Variants in GGNBP2 observed in about 807,000 individuals in gnomAD.
The protein encoded by GGNBP2 is gametogenetin-binding protein 2.
Under a neutral mutation model 85.9 loss-of-function variants are expected in GGNBP2, and 10 were observed. The observed-to-expected ratio is 0.12, with a 90% CI of 0.07 to 0.20. The LOEUF is 0.20. Among genes scored for constraint, GGNBP2 ranks in the 10% least tolerant of loss-of-function variants. The probability of loss-of-function intolerance (pLI) is 1.00; values close to 1 mark genes in which losing one functional copy is unlikely to be tolerated. For missense variants in GGNBP2, 595 were observed against 857.8 expected (o/e 0.69, Z 3.83); for synonymous variants, 287 against 285.7 (o/e 1.00, Z -0.05).
chr17:36,587,217 A>T lies in GGNBP2; in HGVS notation c.1862A>T (p.Lys621Ile). Reference sequence around the variant, plus strand: ...ACGTTGTTTGGTCCCGATTCCGGAAAAGGTGCCAAGAGCTTAGTTGAACTC... The same window carrying T: ...ACGTTGTTTGGTCCCGATTCCGGAATAGGTGCCAAGAGCTTAGTTGAACTC... Reference protein sequence around the residue: ...TETLFGPDSGKGAKSLVELLD... With the variant: ...TETLFGPDSGIGAKSLVELLD... Residue 621 changes from lysine to isoleucine, a missense_variant, in exon 13 of 14, where the codon AAA (lysine) becomes ATA (isoleucine). Physicochemically the swap from Lys to Ile is moderately radical, Grantham distance 102 (BLOSUM62 -3). Around this residue, in one of 9 missense-constraint regions of GGNBP2, gnomAD observed 120 missense variants for 126.3 expected, o/e 0.95. Transcript: ENST00000613102. 6.2e-7 allele frequency: 1 copy of T among 1,614,164 alleles called. No homozygotes were observed. Among genetic ancestry groups the T allele is most frequent in the Non-Finnish European group, 8.5e-7 (1 of 1,180,018 alleles).
chr17:36,586,214 T>C lies in GGNBP2; in HGVS notation c.1641+16T>C. The C allele has an allele frequency of 1.9e-6, 3 of 1,607,050 alleles. No individual in the cohort carries two copies. The South Asian group carries it at 3.3e-5, about 18-fold the overall frequency. On this transcript the variant is annotated intron_variant, in intron 12 of 13. Coordinates refer to ENST00000613102, the MANE Select transcript of GGNBP2 (RefSeq NM_024835.5). ...TGATGAACATGTAAGTGTCATAACTTGTAATTCTTAAACCTTTGCTGTTGA... is the reference window on the plus strand; with the variant it reads ...TGATGAACATGTAAGTGTCATAACTCGTAATTCTTAAACCTTTGCTGTTGA...
chr17:36,568,102 T>A (rs1162312614), intron 6 of GGNBP2, among the ~76,000 whole-genome samples: 1 of 152,082 alleles, frequency 6.6e-6, no homozygotes, highest in African/African-American at 2.4e-5. Flanking sequence ...ATTTTTGTAT[T>A]TCTAGTAGAG....
chr17:36,584,192 A>G (rs1016337820), intron 9 of GGNBP2, among the ~76,000 whole-genome samples: 11 of 152,214 alleles, frequency 7.2e-5, no homozygotes, highest in African/African-American at 2.7e-4. Flanking sequence ...TAAATATCCA[A>G]GTCTCTCAGT....
intron 5 of GGNBP2, among the ~76,000 whole-genome samples, chr17:36,562,784 G>A (rs1219087109): frequency 6.6e-6 from 1 of 150,462 alleles, no homozygotes; most frequent in Non-Finnish European, 1.5e-5. Context: ...GACCAACATG[G>A]GGAAACCTCA....
intron 6 of GGNBP2, among the ~76,000 whole-genome samples, chr17:36,570,566 G>A (rs920957626): frequency 2.6e-5 from 4 of 152,130 alleles, no homozygotes; most frequent in Admixed American, 2.6e-4. Context: ...TGGGCGTGGT[G>A]GTGGGTGCCT....
intron 2 of GGNBP2, among the ~76,000 whole-genome samples, chr17:36,552,687 ATCTGTAT>A: frequency 6.6e-6 from 1 of 152,198 alleles, no homozygotes; most frequent in South Asian, 2.1e-4. Context: ...TGGACATTTC[ATCTGTAT>A]GCATGGAAGA....
intron 6 of GGNBP2, among the ~76,000 whole-genome samples, chr17:36,573,364 C>T (rs566868617): frequency 5.9e-5 from 9 of 152,186 alleles, no homozygotes; most frequent in Admixed American, 1.3e-4. Flanking sequence ...CCATTCGCCT[C>T]GGTCTCCCAA....
chr17:36,569,678 T>G (rs1555606444), intron 6 of GGNBP2, among the ~76,000 whole-genome samples: 1 of 152,228 alleles, frequency 6.6e-6, no homozygotes, highest in East Asian at 1.9e-4. Context: ...TTTCTTTGCC[T>G]TTTTGGTGGA....
intron 2 of GGNBP2, among the ~76,000 whole-genome samples, chr17:36,550,607 G>T (rs1173566277): frequency 6.6e-6 from 1 of 152,136 alleles, no homozygotes. Flanking sequence ...GTGAGAATGC[G>T]CTAAAAACAG....
Position 36,545,792 on chromosome 17 carries a change from C to T in GGNBP2, c.68C>T (p.Pro23Leu), listed in dbSNP as rs754632402. ...EEFPFERRQIPLYIDDTLTMV... is the reference protein window; with the variant it reads ...EEFPFERRQILLYIDDTLTMV... ...TTCCCCTTCGAGAGGAGGCAGATTCCCCTCTACATAGACGACACCCTGACG... is the reference window on the plus strand; with the variant it reads ...TTCCCCTTCGAGAGGAGGCAGATTCTCCTCTACATAGACGACACCCTGACG... The change falls in exon 2 of 14, where the codon CCC becomes CTC. Residue 23 changes from proline (P) to leucine (L), a missense_variant. By Grantham distance (98) the Pro-to-Leu change is moderately conservative. Coordinates refer to ENST00000613102, the MANE Select transcript of GGNBP2 (RefSeq NM_024835.5). 36 of 1,573,038 alleles carry T rather than the reference C, an allele frequency of 2.3e-5. No homozygotes were observed. Among genetic ancestry groups the T allele is most frequent in the Non-Finnish European group, 2.9e-5 (34 of 1,159,734 alleles).
chr17:36,576,615 G>GTA (rs2074590648), intron 6 of GGNBP2: 1 of 120,798 alleles, frequency 8.3e-6, no homozygotes, highest in African/African-American at 3.6e-5. Context: ...GTGTGTGTGT[G>GTA]TGTGTGTGTG....
At chr17:36,563,189 C>T (rs1021068580) in intron 5 of GGNBP2, among the ~76,000 whole-genome samples, 2 of 151,926 alleles carry the variant, frequency 1.3e-5, no homozygotes, top group Non-Finnish European at 2.9e-5. Context: ...TCGCTTGAAT[C>T]CAGGAGGCAG....
chr17:36,567,814 G>T, intron 6 of GGNBP2, 38 bp downstream of exon 6: 1 of 1,096,782 alleles, frequency 9.1e-7, no homozygotes, highest in Non-Finnish European at 1.4e-6. Flanking sequence ...TGTGGAAGGT[G>T]CCTTATGTGT....
At chr17:36,557,470 G>A in intron 4 of GGNBP2, 134 bp downstream of exon 4, 1 of 739,586 alleles carries the variant, frequency 1.4e-6, no homozygotes. Flanking sequence ...ATGTACCAGT[G>A]GATGTAAAGT....
At chr17:36,564,812 T>A (rs1309474686) in intron 5 of GGNBP2, among the ~76,000 whole-genome samples, 1 of 151,892 alleles carries the variant, frequency 6.6e-6, no homozygotes, top group Non-Finnish European at 1.5e-5. Context: ...CCAGAGAAAG[T>A]ATAATACAGT....
chr17:36,574,279 AAAATAT>A (rs2074554718), intron 6 of GGNBP2, among the ~76,000 whole-genome samples: 1 of 152,334 alleles, frequency 6.6e-6, no homozygotes, highest in Admixed American at 6.5e-5. Flanking sequence ...CCATGTGAAA[AAAATAT>A]AAATAAAAAT....
intron 6 of GGNBP2, among the ~76,000 whole-genome samples, chr17:36,573,967 A>AT (rs942210352): frequency 2.0e-5 from 3 of 151,644 alleles, no homozygotes; most frequent in East Asian, 3.9e-4. Context: ...AAATTAAGCT[A>AT]TTTTTTTTGT....
At chr17:36,559,296 C>CAAAAAAAAAAAAAAAAAAAAAAAAAAAA (rs892895973) in intron 4 of GGNBP2, among the ~76,000 whole-genome samples, 1 of 31,498 alleles carries the variant, frequency 3.2e-5, no homozygotes. Flanking sequence ...GACTCTGTCT[C>CAAAAAAAAAAAAAAAAAAAAAAAAAAAA]AAAAAAAAAA....
intron 9 of GGNBP2, among the ~76,000 whole-genome samples, 188 bp from the exon 10 acceptor site, chr17:36,585,112 T>C (rs1334617786): frequency 6.6e-6 from 1 of 152,242 alleles, no homozygotes; most frequent in Non-Finnish European, 1.5e-5. Context: ...CTTTGGTTAG[T>C]ACTGTCTTGA....
Sources: gnomAD v4.1 joint callset for allele counts (sites outside exome capture counted in the v4.1 genomes callset) on GRCh38, gnomAD v4.1.1 for gene constraint, gnomAD v4.1.1 regional missense constraint, MANE v1.5 for transcripts, NCBI Gene and HGNC (gene_info 2026-07-23, HGNC 2026-07-21) for gene names.